The following PLEC variants were observed in gnomAD, a reference collection of about 807,000 sequenced individuals.
PLEC encodes plectin.
A neutral mutation model predicts 392.8 loss-of-function variants in PLEC; 216 were observed. The observed-to-expected ratio is 0.55, with a 90% CI of 0.49 to 0.62. PLEC has a LOEUF of 0.62. Ranked by LOEUF, PLEC falls within the 20% of genes least tolerant of loss-of-function variation. PLEC has a pLI of 0.00. For missense variants in PLEC, 6,863 were observed against 6,563.4 expected, an observed-to-expected ratio of 1.05 and a Z score of -1.58; for synonymous variants, 3,621 against 2,980.6, an observed-to-expected ratio of 1.21 and a Z score of -7.00.
chr8:143,941,525 G>A (rs909984509), upstream of PLEC, among the ~76,000 whole-genome samples: 57 of 152,072 alleles, frequency 3.7e-4, no homozygotes, highest in Non-Finnish European at 6.8e-4. Context: ...GGGCTGGGGC[G>A]GGGCAGGGCT....
At position 143,922,287 on chromosome 8, in the gene PLEC, C is replaced by T. The variant is rs782048878; in HGVS notation, c.7534G>A (p.Glu2512Lys). The T allele has an allele frequency of 1.8e-5, 29 of 1,606,582 alleles. No homozygotes were observed. In the East Asian group the frequency reaches 2.9e-4, roughly 16 times the overall value. Residue 2512 changes from glutamate (E) to lysine (K), a missense_variant, in exon 32 of 32, where the codon GAG becomes AAG. Transcript: ENST00000345136. ...LLQRERFIEQEKAKLEQLFQD... is the reference protein window; with the variant it reads ...LLQRERFIEQKKAKLEQLFQD... Reference sequence around the variant, plus strand: ...AAGAGCTGCTCCAGCTTGGCCTTCTCCTGCTCGATGAAGCGCTCCCGCTGT... The same window carrying T: ...AAGAGCTGCTCCAGCTTGGCCTTCTTCTGCTCGATGAAGCGCTCCCGCTGT...
At position 143,922,384 on chromosome 8, in the gene PLEC, C is replaced by T. The variant is rs782195482; in HGVS notation, c.7437G>A (p.Val2479=). ...TCTCCTGCAGCAGCTGCTCCTGCTG[C>T]ACCGTCTGCATCTGCAGAAGAAGAG... The part of the protein sequence containing the change: ...LQLKSEEMQT[V]QQEQLLQETQ... The change falls in exon 32 of 32, where the codon GTG becomes GTA. Residue 2479 remains valine, a synonymous_variant. Coordinates refer to ENST00000345136, the MANE Select transcript of PLEC (RefSeq NM_201384.3). The T allele has an allele frequency of 3.7e-6, 6 of 1,602,116 alleles. No homozygotes were observed. In the African/African-American group the frequency reaches 5.3e-5, roughly 14 times the overall value.
intron 30 of PLEC, 65 bp from the exon 31 acceptor site, chr8:143,925,949 G>C: frequency 6.9e-7 from 1 of 1,455,856 alleles, no homozygotes; most frequent in Non-Finnish European, 9.3e-7. Flanking sequence ...GCGCTGACGG[G>C]GCACGCACCG....
intron 6 of PLEC, 134 bp from the exon 7 acceptor site, chr8:143,935,447 C>T (rs1229751150): frequency 1.4e-6 from 1 of 717,210 alleles, no homozygotes; most frequent in East Asian, 2.7e-5. Context: ...GAAAAATACA[C>T]TGTCACATGG....
upstream of PLEC, chr8:143,939,626 T>C: frequency 6.9e-7 from 1 of 1,440,264 alleles, no homozygotes; most frequent in South Asian, 1.4e-5. Context: ...CTGCCTGCTG[T>C]ACTCCCCGGC....
chr8:143,939,672 G>A, upstream of PLEC: 4 of 1,398,500 alleles, frequency 2.9e-6, no homozygotes, highest in Non-Finnish European at 3.7e-6. Flanking sequence ...ACCCTGCCCA[G>A]GCCGCCGCCA....
At chr8:143,952,824 G>C (rs1832327376), upstream of PLEC, among the ~76,000 whole-genome samples, 1 of 152,122 alleles carries the variant, frequency 6.6e-6, no homozygotes, top group Non-Finnish European at 1.5e-5. Context: ...GGCAGGAAAG[G>C]GCGGTAGCTT....
rs782716986 is a variant in PLEC, at chr8:143,919,783, G to A, written c.10038C>T (p.Ser3346=). 4.5e-5 allele frequency: 72 copies of A among 1,612,322 alleles called. No homozygotes were observed. The highest frequency in any genetic ancestry group is 1.5e-4 in the Admixed American group (9 of 60,000). ...CACTGCCCTGCAGCAGCGTCCGCAC[G>A]GAGCCCAGCTCCGAAAGGTCCTTGA... is the stretch of plus-strand genomic sequence containing the variant. The part of the protein sequence containing the change: ...TTVKDLSELG[S]VRTLLQGSGC... Residue 3346 remains serine (S), a synonymous_variant, in exon 32 of 32, where the codon TCC becomes TCT. Coordinates refer to ENST00000345136, the MANE Select transcript of PLEC (RefSeq NM_201384.3).
chr8:143,915,939 G>A lies in PLEC; in HGVS notation c.*238C>T, dbSNP rs1820370893. ...AGGCACCTGGCTGTGTGAGTGGCAG[G>A]TAGAAGGGAGTGAGGAGACCCGAGG... On this transcript the variant is annotated 3_prime_UTR_variant, in exon 32 of 32. Coordinates refer to ENST00000345136, the MANE Select transcript of PLEC (RefSeq NM_201384.3). 1.3e-5 allele frequency: 5 copies of A among 379,070 alleles called. No individual in the cohort carries two copies. Among genetic ancestry groups the A allele is most frequent in the Admixed American group, 4.5e-5 (1 of 22,310 alleles). 23.5% of individuals were successfully genotyped at this position (379,070 alleles called of 1,614,324 possible). A position where few individuals can be genotyped will look rare whatever the true frequency, so the allele number is the denominator to read the frequency against.
At position 143,931,583 on chromosome 8, in the gene PLEC, T is replaced by A. The variant is rs781965988; in HGVS notation, c.2255A>T (p.Asp752Val). 3 of 1,598,860 alleles carry A rather than the reference T, an allele frequency of 1.9e-6. No individual in the cohort carries two copies. ...CAGCCGGGTGACGGTGGCGGAGCGA[T>A]CACAACTGTATTTCCTACGCAGTGC... ...QEALRRKYSC[D>V]RSATVTRLED... Residue 752 changes from aspartate to valine, a missense_variant, in exon 19 of 32, where the codon GAT becomes GTT. Coordinates refer to ENST00000345136, the MANE Select transcript of PLEC (RefSeq NM_201384.3).
At position 143,921,869 on chromosome 8, in the gene PLEC, C is replaced by T. The variant is rs375411469; in HGVS notation, c.7952G>A (p.Arg2651Gln). 4.5e-5 allele frequency: 72 copies of T among 1,602,208 alleles called. No individual in the cohort carries two copies. The highest frequency in any genetic ancestry group is 1.8e-4 in the East Asian group (8 of 44,882). The stretch of plus-strand genomic sequence containing the variant: ...CTGCAGCCTCTGAGCTGACACCTTC[C>T]GCCGCAGGCCATCGAAGCTGTGCTC... The part of the protein sequence containing the change: ...EPEHSFDGLR[R>Q]KVSAQRLQEA... Residue 2651 changes from arginine to glutamine, a missense_variant, in exon 32 of 32, where the codon CGG (arginine) becomes CAG (glutamine). By Grantham distance (43) the Arg-to-Gln change is conservative (BLOSUM62 1). Coordinates refer to ENST00000345136, the MANE Select transcript of PLEC (RefSeq NM_201384.3).
upstream of PLEC, among the ~76,000 whole-genome samples, chr8:143,974,450 G>A (rs1554745392): frequency 6.6e-6 from 1 of 152,228 alleles, no homozygotes; most frequent in Non-Finnish European, 1.5e-5. The surrounding 1 kb of genome is among the most constrained non-coding windows in gnomAD (Gnocchi z 5.9). Flanking sequence ...AGACCCTGGG[G>A]CTGGAGCTGG....
At chr8:143,939,634 G>T (rs1339520283), upstream of PLEC, 2 of 1,427,300 alleles carry the variant, frequency 1.4e-6, no homozygotes, top group Non-Finnish European at 1.8e-6. Flanking sequence ...TGTACTCCCC[G>T]GCGAGGCCGG....
At chr8:143,936,658 G>T (rs141717948) in intron 5 of PLEC, among the ~76,000 whole-genome samples, 1,984 of 152,334 alleles carry the variant, frequency 0.013, 22 homozygotes, top group Middle Eastern at 0.024. Flanking sequence ...AGCAGCGGGT[G>T]AGTCAGCCTG....
chr8:143,921,748 G>A lies in PLEC; in HGVS notation c.8073C>T (p.Tyr2691=), dbSNP rs1200651717. ...ELARREDVRH[Y]LQGRSSIAGL... is the part of the protein sequence containing the mutation. ...CTGCGATACTGCTGCGGCCCTGCAG[G>A]TAGTGGCGCACGTCTTCCCGCCGTG... is the stretch of plus-strand genomic sequence containing the variant. The change falls in exon 32 of 32, where the codon TAC becomes TAT. Residue 2691 remains tyrosine (Y), a synonymous_variant. Coordinates refer to ENST00000345136, the MANE Select transcript of PLEC (RefSeq NM_201384.3). 9 of 1,612,446 alleles carry A rather than the reference G, an allele frequency of 5.6e-6. No individual in the cohort carries two copies. In the South Asian group the frequency reaches 6.6e-5, roughly 12 times the overall value.
chr8:143,950,938 G>T (rs1016118816), upstream of PLEC: 3 of 874,866 alleles, frequency 3.4e-6, no homozygotes, highest in Admixed American at 3.5e-5. Flanking sequence ...CCGGCTGCCC[G>T]CCTTCCTCCA....
In PLEC at chr8:143,916,432, C is replaced by T. The variant is rs553839844; in HGVS notation, c.13389G>A (p.Leu4463=). The T allele has an allele frequency of 1.1e-5, 17 of 1,611,740 alleles. No individual in the cohort carries two copies. In the East Asian group the frequency reaches 3.6e-4, roughly 34 times the overall value. The change falls in exon 32 of 32, where the codon CTG becomes CTA. Residue 4463 remains leucine (L), a synonymous_variant. Coordinates refer to ENST00000345136, the MANE Select transcript of PLEC (RefSeq NM_201384.3). The part of the protein sequence containing the change: ...SMVEEGTGLR[L]LEAAAQSTKG... The stretch of plus-strand genomic sequence containing the variant: ...TGGTGGACTGCGCGGCAGCCTCCAG[C>T]AGCCGCAGCCCCGTGCCCTCCTCCA...
intron 3 of PLEC, chr8:143,937,926 C>T (rs570964887): frequency 5.7e-5 from 36 of 631,806 alleles, no homozygotes; most frequent in Middle Eastern, 2.5e-4. Flanking sequence ...AGCCGAGGTC[C>T]GAGGGTTGCG....
chr8:143,933,891 T>A (rs1828138465), intron 12 of PLEC, 107 bp downstream of exon 12: 4 of 938,348 alleles, frequency 4.3e-6, no homozygotes, highest in Non-Finnish European at 6.6e-6. Context: ...CCCCTGCCCC[T>A]GCCCCAGGAG....
Sources: gnomAD v4.1 joint callset for allele counts (sites outside exome capture counted in the v4.1 genomes callset) on GRCh38, gnomAD v4.1.1 for gene constraint, Gnocchi (gnomAD v3.1) non-coding constraint, MANE v1.5 for transcripts, NCBI Gene and HGNC (gene_info 2026-07-23, HGNC 2026-07-21) for gene names.